Variants in CPEB1 observed in about 807,000 individuals in gnomAD.
CPEB1 encodes the protein cytoplasmic polyadenylation element binding protein 1.
A neutral mutation model predicts 65.8 loss-of-function variants in CPEB1; 7 were observed. The observed-to-expected ratio is 0.11, with a 90% CI of 0.06 to 0.20. The LOEUF is 0.20. Ranked by LOEUF, CPEB1 falls within the 10% of genes least tolerant of loss-of-function variation. The probability of loss-of-function intolerance (pLI) is 1.00; values close to 1 mark genes in which losing one functional copy is unlikely to be tolerated. For synonymous variants in CPEB1, 262 were observed against 260.0 expected, an observed-to-expected ratio of 1.01 and a Z score of -0.08; for missense variants, 551 against 712.2, an observed-to-expected ratio of 0.77 and a Z score of 2.58.
Position 82,591,005 on chromosome 15 carries a change from G to A in CPEB1, c.272-19473C>T, listed in dbSNP as rs187527186. Among the ~76,000 whole-genome samples, 8 of 152,146 alleles carry A rather than the reference G, an allele frequency of 5.3e-5. No individual in the cohort carries two copies. In the South Asian group the frequency reaches 8.3e-4, roughly 16 times the overall value. ...TGTGCATGTGTTTTTATGGTAAAAC[G>A]ATTTATATTCCTTTTGGTACATACT... On this transcript the variant is annotated intron_variant, in intron 3 of 12. Transcript: ENST00000684509.
intron 10 of CPEB1, chr15:82,548,577 G>A (rs1279066821): frequency 1.7e-5 from 6 of 356,052 alleles, no homozygotes; most frequent in Non-Finnish European, 3.4e-5. Flanking sequence ...AAGGTTAAAG[G>A]ATTCAGAGTG....
At chr15:82,584,529 T>A (rs1046812687) in intron 3 of CPEB1, among the ~76,000 whole-genome samples, 8 of 151,588 alleles carry the variant, frequency 5.3e-5, no homozygotes, top group Admixed American at 5.3e-4. Context: ...AATACAAAAA[T>A]TAGCCAGGCG....
chr15:82,549,037 C>A (rs1030085019), intron 10 of CPEB1, among the ~76,000 whole-genome samples: 7 of 152,270 alleles, frequency 4.6e-5, no homozygotes, highest in African/African-American at 1.7e-4. Flanking sequence ...AGTCCTCCTC[C>A]AGCCTGACCT....
At chr15:82,613,012 G>A (rs868263000) in intron 3 of CPEB1, among the ~76,000 whole-genome samples, 5 of 151,392 alleles carry the variant, frequency 3.3e-5, no homozygotes, top group Non-Finnish European at 7.4e-5. Context: ...TTTCACACAA[G>A]CTCTTCTCAA....
chr15:82,600,836 T>C (rs535374958), intron 3 of CPEB1, among the ~76,000 whole-genome samples: 19 of 150,762 alleles, frequency 1.3e-4, no homozygotes, highest in African/African-American at 4.1e-4. Context: ...CAGGGGGAGG[T>C]TGGGTGGGTT....
chr15:82,549,305 C>T (rs936163473), intron 10 of CPEB1, among the ~76,000 whole-genome samples, 155 bp downstream of exon 10: 4 of 152,144 alleles, frequency 2.6e-5, no homozygotes. Context: ...GGCCAGTACT[C>T]GTGACTTGTC....
At chr15:82,573,413 T>G (rs1442189069) in intron 3 of CPEB1, among the ~76,000 whole-genome samples, 1 of 151,906 alleles carries the variant, frequency 6.6e-6, no homozygotes. Context: ...CCCTCCTGCT[T>G]CTCTATGTTC....
rs143053305 is a variant in CPEB1, at chr15:82,552,209, G to C, written c.1281+271C>G. On this transcript the variant is annotated intron_variant, in intron 9 of 12. Transcript: ENST00000684509. Reference sequence around the variant, plus strand: ...CCAAAGTGTTGGCTACAAGAAAGAAGAGCAGAATAAAGACGGGCAGACAGT... The same window carrying C: ...CCAAAGTGTTGGCTACAAGAAAGAACAGCAGAATAAAGACGGGCAGACAGT... Among the ~76,000 whole-genome samples the C allele has an allele frequency of 1.6e-4, 24 of 152,050 alleles. No individual in the cohort carries two copies. The East Asian group carries it at 4.4e-3, about 28-fold the overall frequency.
Position 82,543,463 on chromosome 15 carries a change from A to ATTT in CPEB1, c.*1128_*1129insAAA, listed in dbSNP as rs2034632779. 0.063 allele frequency: 6,109 copies of ATTT among 96,232 alleles called. 253 individuals carry two copies. The highest frequency in any genetic ancestry group is 0.16 in the African/African-American group (3,684 of 22,554). The allele number at this position is 96,232 out of a possible 1,614,324, so 6.0% of individuals were successfully genotyped here. A position where few individuals can be genotyped will look rare whatever the true frequency, so the allele number is the denominator to read the frequency against. On this transcript the variant is annotated 3_prime_UTR_variant, in exon 13 of 13. Coordinates refer to ENST00000684509, the MANE Select transcript of CPEB1 (RefSeq NM_001365242.1). Reference sequence around the variant, plus strand: ...TTTGTGGGTTTTTTGTTTCTTTTTAAAAAAAAAAAAAAAAAAAAAAAGGAA... The same window carrying ATTT: ...TTTGTGGGTTTTTTGTTTCTTTTTAATTTAAAAAAAAAAAAAAAAAAAAAGGAA...
Position 82,550,773 on chromosome 15 carries a change from AAAG to A in CPEB1, c.1282-1118_1282-1116del, listed in dbSNP as rs1272781760. 3.3e-5 allele frequency among the ~76,000 whole-genome samples: 5 copies of A among 152,326 alleles called. No homozygotes were observed. In the South Asian group the frequency reaches 8.3e-4, roughly 25 times the overall value. On this transcript the variant is annotated intron_variant, in intron 9 of 12. Coordinates refer to ENST00000684509, the MANE Select transcript of CPEB1 (RefSeq NM_001365242.1). ...AAGTGAGTCATTTATCTGAACTAGA[AAAG>A]AAGAAGGGAGTCAAAGATTGGCTAT...
intron 3 of CPEB1, among the ~76,000 whole-genome samples, chr15:82,598,595 A>C (rs1167527455): frequency 6.6e-6 from 1 of 150,822 alleles, no homozygotes; most frequent in Non-Finnish European, 1.5e-5. Context: ...GACCAGCCTG[A>C]CCAACATGGT....
At chr15:82,642,294 C>T (rs922227860) in intron 1 of CPEB1, among the ~76,000 whole-genome samples, 2 of 152,192 alleles carry the variant, frequency 1.3e-5, no homozygotes, top group African/African-American at 4.8e-5. Flanking sequence ...TGGCTCATAC[C>T]TGTAATCCCA....
At chr15:82,579,851 G>A (rs890954213) in intron 3 of CPEB1, among the ~76,000 whole-genome samples, 4 of 142,104 alleles carry the variant, frequency 2.8e-5, no homozygotes, top group Non-Finnish European at 6.0e-5. Context: ...AGCGGAGCTT[G>A]CAGTGAGCCG....
At chr15:82,559,526 C>T (rs1201094753) in intron 4 of CPEB1, among the ~76,000 whole-genome samples, 1 of 152,194 alleles carries the variant, frequency 6.6e-6, no homozygotes, top group Non-Finnish European at 1.5e-5. Context: ...CCCTCTACAA[C>T]CTGGCCAACA....
chr15:82,559,592 G>T (rs929794493), intron 4 of CPEB1, among the ~76,000 whole-genome samples: 1 of 152,130 alleles, frequency 6.6e-6, no homozygotes, highest in Non-Finnish European at 1.5e-5. Context: ...GTATGTTGTG[G>T]GATGTGGGTG....
intron 3 of CPEB1, among the ~76,000 whole-genome samples, chr15:82,593,166 C>T (rs1272055096): frequency 6.6e-6 from 1 of 152,140 alleles, no homozygotes; most frequent in Non-Finnish European, 1.5e-5. Context: ...ATGTTTGCCG[C>T]ATAGTTCGAT....
chr15:82,571,943 C>T (rs755739425), intron 3 of CPEB1: 3 of 779,986 alleles, frequency 3.8e-6, no homozygotes, highest in Non-Finnish European at 4.7e-6. Flanking sequence ...GGAATAGTCC[C>T]GGTGCAGTGC....
chr15:82,549,574 C>T lies in CPEB1; in HGVS notation c.1366G>A (p.Val456Ile), dbSNP rs1362885918. The T allele has an allele frequency of 6.2e-7, 1 of 1,614,086 alleles. No homozygotes were observed. Among genetic ancestry groups the T allele is most frequent in the East Asian group, 2.2e-5 (1 of 44,898 alleles). ...TTTAGCATTCCATGCAGAGCACCGACAAACACCGTCCTGCTGGGGTCAAGC... is the reference window on the plus strand; with the variant it reads ...TTTAGCATTCCATGCAGAGCACCGATAAACACCGTCCTGCTGGGGTCAAGC... ...QRLDPSRTVF[V>I]GALHGMLNAE... is the part of the protein sequence containing the mutation. Residue 456 changes from valine to isoleucine, a missense_variant, in exon 10 of 13, where the codon GTC becomes ATC. Physicochemically the swap from Val to Ile is conservative, Grantham distance 29 (BLOSUM62 3). Coordinates refer to ENST00000684509, the MANE Select transcript of CPEB1 (RefSeq NM_001365242.1).
intron 1 of CPEB1, among the ~76,000 whole-genome samples, chr15:82,641,194 C>A (rs78285529): frequency 0.026 from 4,005 of 152,130 alleles, 88 homozygotes; most frequent in Admixed American, 0.046. Flanking sequence ...AGGTCTCTAA[C>A]ACCTTTTGAG....
Sources: gnomAD v4.1 joint callset for allele counts (sites outside exome capture counted in the v4.1 genomes callset) on GRCh38, gnomAD v4.1.1 for gene constraint, MANE v1.5 for transcripts, NCBI Gene and HGNC (gene_info 2026-07-23, HGNC 2026-07-21) for gene names.